Variants in CADM2 observed in about 807,000 individuals in gnomAD.
CADM2 encodes the protein immunoglobulin superfamily member 4D.
In CADM2, 12 loss-of-function variants were observed where a neutral mutation model predicts 49.8. The ratio of observed to expected loss-of-function variants is 0.24; its 90% CI spans 0.15 to 0.39. The LOEUF is 0.39. Among genes scored for constraint, CADM2 ranks in the 10% least tolerant of loss-of-function variants. The probability of loss-of-function intolerance (pLI) is 1.00; values close to 1 mark genes in which losing one functional copy is unlikely to be tolerated. For missense variants in CADM2, 378 were observed against 492.3 expected (o/e 0.77, Z 2.20); for synonymous variants, 214 against 175.4 (o/e 1.22, Z -1.74).
At chr3:85,416,358 G>T (rs954189004) in intron 1 of CADM2, among the ~76,000 whole-genome samples, 1 of 151,934 alleles carries the variant, frequency 6.6e-6, no homozygotes, top group African/African-American at 2.4e-5. Flanking sequence ...ACAATAACAA[G>T]ATCTTTTAGT....
intron 1 of CADM2, among the ~76,000 whole-genome samples, chr3:85,721,547 A>C (rs1189106578): frequency 6.6e-6 from 1 of 152,184 alleles, no homozygotes; most frequent in African/African-American, 2.4e-5. Flanking sequence ...CACTGTGCAC[A>C]GTCAGACATG....
At chr3:85,646,277 A>G (rs368931348) in intron 1 of CADM2, among the ~76,000 whole-genome samples, 10 of 152,132 alleles carry the variant, frequency 6.6e-5, no homozygotes, top group East Asian at 5.8e-4. Context: ...CTAGTTAAAT[A>G]TCAGATAATC....
intron 1 of CADM2, among the ~76,000 whole-genome samples, chr3:85,347,595 A>ATG (rs2030844274): frequency 2.1e-5 from 3 of 140,664 alleles, no homozygotes; most frequent in Non-Finnish European, 4.6e-5. Flanking sequence ...ATACATATAT[A>ATG]TACATATATA....
chr3:85,809,477 G>A (rs915487780), intron 3 of CADM2, among the ~76,000 whole-genome samples: 1 of 152,010 alleles, frequency 6.6e-6, no homozygotes, highest in South Asian at 2.1e-4. Flanking sequence ...TGTAATCCCA[G>A]CTACTCGGGA....
At chr3:85,283,543 T>C (rs1316783473) in intron 1 of CADM2, among the ~76,000 whole-genome samples, 2 of 152,100 alleles carry the variant, frequency 1.3e-5, no homozygotes, top group African/African-American at 4.8e-5. Flanking sequence ...AATGGGCTGG[T>C]GTTCTGTATT....
chr3:86,065,352 T>C (rs940269029), intron 8 of CADM2, among the ~76,000 whole-genome samples: 24 of 152,230 alleles, frequency 1.6e-4, no homozygotes, highest in African/African-American at 5.8e-4. Context: ...TACAAAATTA[T>C]ATATGTATAT....
chr3:85,381,562 A>T (rs1459393523), intron 1 of CADM2, among the ~76,000 whole-genome samples: 1 of 144,032 alleles, frequency 6.9e-6, no homozygotes, highest in Non-Finnish European at 1.5e-5. Flanking sequence ...AGACTGTAGT[A>T]ACAGGTTCTA....
intron 8 of CADM2, among the ~76,000 whole-genome samples, chr3:85,976,284 A>G (rs78631496): frequency 0.03 from 4,578 of 151,680 alleles, 226 homozygotes; most frequent in African/African-American, 0.1. Context: ...TTCCAGGCAG[A>G]GCTCTTCTCT....
chr3:85,525,842 T>C (rs978557245), intron 1 of CADM2, among the ~76,000 whole-genome samples: 1 of 152,114 alleles, frequency 6.6e-6, no homozygotes, highest in Non-Finnish European at 1.5e-5. Flanking sequence ...AGATGTATAG[T>C]TTACATCTTT....
At chr3:85,025,749 G>T (rs2034694393) in intron 1 of CADM2, among the ~76,000 whole-genome samples, 1 of 151,900 alleles carries the variant, frequency 6.6e-6, no homozygotes, top group African/African-American at 2.4e-5. Context: ...TTGTTCAAAT[G>T]ATAATAGACG....
chr3:85,464,197 A>G (rs2038385115), intron 1 of CADM2, among the ~76,000 whole-genome samples: 1 of 152,068 alleles, frequency 6.6e-6, no homozygotes, highest in African/African-American at 2.4e-5. Context: ...TTTTCTTTCC[A>G]CATGTGTATA....
chr3:85,068,137 T>G (rs543980452), intron 1 of CADM2, among the ~76,000 whole-genome samples: 2 of 152,338 alleles, frequency 1.3e-5, no homozygotes, highest in South Asian at 4.1e-4. Context: ...GTCCTGATGT[T>G]GAGCAAGCCT....
chr3:85,974,744 C>T (rs966933447), intron 8 of CADM2, among the ~76,000 whole-genome samples: 1 of 151,660 alleles, frequency 6.6e-6, no homozygotes, highest in African/African-American at 2.4e-5. Flanking sequence ...CCAGCGTTCA[C>T]TCACATGAAT....
chr3:85,424,467 A>T (rs2036310497), intron 1 of CADM2, among the ~76,000 whole-genome samples: 1 of 152,028 alleles, frequency 6.6e-6, no homozygotes, highest in Admixed American at 6.6e-5. Context: ...TACTATTCTT[A>T]GTTGACAAGT....
chr3:86,070,599 T>G lies in CADM2; in HGVS notation c.*3816T>G, dbSNP rs562705169. On this transcript the variant is annotated 3_prime_UTR_variant, in exon 10 of 10. Coordinates refer to ENST00000383699, the MANE Select transcript of CADM2 (RefSeq NM_001167675.2). ...TAAAATTGCCCAATATTATTTCCCT[T>G]TGCAAATGGTAATTTCTGATAAAAC... 5.3e-5 allele frequency: 8 copies of G among 149,788 alleles called. 1 individual carries two copies. Among genetic ancestry groups the G allele is most frequent in the Middle Eastern group, 3.4e-3 (1 of 294 alleles). The allele number at this position is 149,788 out of a possible 1,614,324, so 9.3% of individuals were successfully genotyped here.
At chr3:85,957,580 C>T (rs2108604022) in intron 7 of CADM2, among the ~76,000 whole-genome samples, 1 of 151,888 alleles carries the variant, frequency 6.6e-6, no homozygotes, top group East Asian at 2.0e-4. Flanking sequence ...TCATGAGACA[C>T]CAACTGGGTG....
chr3:85,285,713 T>G (rs533105790), intron 1 of CADM2, among the ~76,000 whole-genome samples: 1 of 152,108 alleles, frequency 6.6e-6, no homozygotes, highest in African/African-American at 2.4e-5. Flanking sequence ...AAGATCAGTT[T>G]CTTCTCATGA....
intron 1 of CADM2, among the ~76,000 whole-genome samples, chr3:85,203,125 T>G (rs565665176): frequency 2.6e-5 from 4 of 152,190 alleles, no homozygotes; most frequent in African/African-American, 4.8e-5. Context: ...TCATTTGTGC[T>G]TAATTATTGC....
intron 3 of CADM2, among the ~76,000 whole-genome samples, chr3:85,816,688 T>C (rs1342712126): frequency 6.6e-6 from 1 of 152,190 alleles, no homozygotes; most frequent in Non-Finnish European, 1.5e-5. Flanking sequence ...AAAGGCTTTT[T>C]TACAAGTAAA....
Sources: gnomAD v4.1 joint callset for allele counts (sites outside exome capture counted in the v4.1 genomes callset) on GRCh38, gnomAD v4.1.1 for gene constraint, MANE v1.5 for transcripts, NCBI Gene and HGNC (gene_info 2026-07-23, HGNC 2026-07-21) for gene names.